Variants in PRH2 observed in about 807,000 individuals in gnomAD.
The protein encoded by PRH2 is salivary acidic proline-rich phosphoprotein 1/2.
In PRH2, 19 loss-of-function variants were observed where a neutral mutation model predicts 22.6. The observed-to-expected ratio is 0.84, with a 90% CI of 0.59 to 1.23. PRH2 has a LOEUF of 1.23. PRH2 is among the 50% of genes most tolerant of loss of function. The pLI, the probability that PRH2 is intolerant of heterozygous loss-of-function variation, is 0.00. For synonymous variants in PRH2, 45 were observed against 72.0 expected (o/e 0.63, Z 1.90); for missense variants, 109 against 203.0 (o/e 0.54, Z 2.81).
rs1290239775 is a variant in PRH2 at position 10,930,658 on chromosome 12, A to G, written c.101-4A>G. The G allele has an allele frequency of 6.2e-7, 1 of 1,613,766 alleles. No individual in the cohort carries two copies. The highest frequency in any genetic ancestry group is 1.7e-5 in the Admixed American group (1 of 59,978). Reference sequence around the variant, plus strand: ...CTCAGCTCTTCTTGTTTCAACTCACACAGATGGAGGAGACTCTGAGCAGTT... The same window carrying G: ...CTCAGCTCTTCTTGTTTCAACTCACGCAGATGGAGGAGACTCTGAGCAGTT... On this transcript the variant is annotated splice_polypyrimidine_tract_variant and splice_region_variant and intron_variant, in intron 2 of 3. Transcript: ENST00000396400.
chr12:10,930,215 G>A, intron 1 of PRH2, 54 bp from the exon 2 acceptor site: 1 of 1,576,436 alleles, frequency 6.3e-7, no homozygotes, highest in Non-Finnish European at 8.7e-7. Flanking sequence ...AACACTATGA[G>A]CTCTGAATGA....
intron 3 of PRH2, 120 bp from the exon 4 acceptor site, chr12:10,932,106 G>A: frequency 3.4e-6 from 1 of 293,262 alleles, no homozygotes; most frequent in South Asian, 3.0e-5. Flanking sequence ...GAGGGGGGCT[G>A]TAGAAGGGAT....
At position 10,931,196 on chromosome 12, in the gene PRH2, C is replaced by T. The variant is rs1423245976; in HGVS notation, c.*18+116C>T. 3 of 1,530,666 alleles carry T rather than the reference C, an allele frequency of 2.0e-6. No homozygotes were observed. The African/African-American group carries it at 4.2e-5, about 21-fold the overall frequency. 94.8% of individuals were successfully genotyped at this position (1,530,666 alleles called of 1,614,324 possible). On this transcript the variant is annotated intron_variant, in intron 3 of 3. Transcript: ENST00000396400. ...TATTTCCGTGTCCTGGAACACATTT[C>T]TCATGAGTTTTGTTCAAATATTCTG...
rs911816569 is a variant in PRH2 at position 10,933,439 on chromosome 12, A to T, written c.*1232A>T. Among the ~76,000 whole-genome samples, 16 of 152,090 alleles carry T rather than the reference A, an allele frequency of 1.1e-4. No homozygotes were observed. The highest frequency in any genetic ancestry group is 5.2e-4 in the Admixed American group (8 of 15,284). ...AAATACCCCAAGTTCTTGAAAAAAA[A>T]TTTTTTGATATGACTACTCTAACAG... On this transcript the variant is annotated 3_prime_UTR_variant, in exon 4 of 4. Coordinates refer to ENST00000396400, the MANE Select transcript of PRH2 (RefSeq NM_001110213.1).
rs756039945 is a variant in PRH2, at chr12:10,930,862, C to G, written c.301C>G (p.Pro101Ala). The change falls in exon 3 of 4, where the codon CCC becomes GCC. Residue 101 changes from proline to alanine, a missense_variant. By Grantham distance (27) the Pro-to-Ala change is conservative. Around this residue, in one of 4 missense-constraint regions of PRH2, gnomAD observed 41 missense variants for 93.6 expected, o/e 0.44. Coordinates refer to ENST00000396400, the MANE Select transcript of PRH2 (RefSeq NM_001110213.1). ...PQGPPQQGGH[P>A]PPPQGRPQGP... is the part of the protein sequence containing the mutation. The stretch of plus-strand genomic sequence containing the variant: ...AGGACCACCCCAACAGGGAGGCCAT[C>G]CCCCTCCTCCTCAAGGAAGGCCACA... 1.2e-6 allele frequency: 2 copies of G among 1,613,280 alleles called. No homozygotes were observed. Among genetic ancestry groups the G allele is most frequent in the Admixed American group, 1.7e-5 (1 of 59,972 alleles).
At chr12:10,930,462 T>G (rs763329235) in intron 2 of PRH2, among the ~76,000 whole-genome samples, 158 bp downstream of exon 2, 1 of 152,108 alleles carries the variant, frequency 6.6e-6, no homozygotes, top group Non-Finnish European at 1.5e-5. Context: ...CTGGGGACCA[T>G]GAGTAAAGAA....
intron 2 of PRH2, 106 bp downstream of exon 2, chr12:10,930,410 C>T: frequency 6.7e-7 from 1 of 1,501,690 alleles, no homozygotes. Flanking sequence ...TGGCTAATAT[C>T]AGTGCCCCAG....
rs1950200566 is a variant in PRH2 at position 10,930,933 on chromosome 12, G to T, written c.372G>T (p.Arg124Ser). Residue 124 changes from arginine to serine, a missense_variant, in exon 3 of 4, where the codon AGG (arginine) becomes AGT (serine). Arg to Ser is a moderately radical substitution (Grantham distance 110). This residue lies in a region of PRH2 where 41 missense variants were observed against 93.6 expected (regional missense o/e 0.44). Transcript: ENST00000396400. ...QGGHPRPPRGRPQGPPQQGGH... is the reference protein window; with the variant it reads ...QGGHPRPPRGSPQGPPQQGGH... ...GCCATCCCCGTCCTCCTCGAGGAAG[G>T]CCACAAGGACCACCCCAACAGGGAG... The T allele has an allele frequency of 1.2e-6, 2 of 1,607,102 alleles. No individual in the cohort carries two copies. Among genetic ancestry groups the T allele is most frequent in the Non-Finnish European group, 1.7e-6 (2 of 1,176,790 alleles).
Position 10,932,288 on chromosome 12 carries a change from C to G in PRH2, c.*81C>G, listed in dbSNP as rs780392668. The G allele has an allele frequency of 1.6e-4, 63 of 396,586 alleles. No individual in the cohort carries two copies. Among genetic ancestry groups the G allele is most frequent in the Admixed American group, 7.2e-4 (30 of 41,502 alleles). The allele number at this position is 396,586 out of a possible 1,614,324, so 24.6% of individuals were successfully genotyped here. Reference sequence around the variant, plus strand: ...GAAACATAATGTGATCATGCTCTAACTTCAATATACCAATAAAATAATCAG... The same window carrying G: ...GAAACATAATGTGATCATGCTCTAAGTTCAATATACCAATAAAATAATCAG... On this transcript the variant is annotated 3_prime_UTR_variant, in exon 4 of 4. Transcript: ENST00000396400.
chr12:10,929,250 A>G lies in PRH2; in HGVS notation c.-24A>G. ...ACGTTTCTCCCAGCATAAAGTTGGG[A>G]GTGACACCAGAGCCTTCTGCAAGAT... On this transcript the variant is annotated 5_prime_UTR_variant, in exon 1 of 4. Coordinates refer to ENST00000396400, the MANE Select transcript of PRH2 (RefSeq NM_001110213.1). 1 of 1,614,160 alleles carries G rather than the reference A, an allele frequency of 6.2e-7. No homozygotes were observed. Among genetic ancestry groups the G allele is most frequent in the Non-Finnish European group, 8.5e-7 (1 of 1,180,040 alleles).
chr12:10,930,622 T>C, intron 2 of PRH2, 40 bp from the exon 3 acceptor site: 1 of 1,610,076 alleles, frequency 6.2e-7, no homozygotes, highest in Non-Finnish European at 8.5e-7. Context: ...AGGAGGGTTT[T>C]CCAGCATGAG....
Position 10,934,701 on chromosome 12 carries a change from A to G in PRH2, c.*2494A>G, listed in dbSNP as rs560582988. On this transcript the variant is annotated 3_prime_UTR_variant, in exon 4 of 4. Coordinates refer to ENST00000396400, the MANE Select transcript of PRH2 (RefSeq NM_001110213.1). ...AATGGGCACATAGCTTTTTTCACAA[A>G]AAGATTATTTTGCCCCAGACAGCTA... Among the ~76,000 whole-genome samples the G allele has an allele frequency of 6.6e-6, 1 of 152,254 alleles. No homozygotes were observed. Among genetic ancestry groups the G allele is most frequent in the East Asian group, 1.9e-4 (1 of 5,190 alleles).
chr12:10,931,589 G>A (rs1950214406), intron 3 of PRH2, among the ~76,000 whole-genome samples: 1 of 152,074 alleles, frequency 6.6e-6, no homozygotes, highest in Non-Finnish European at 1.5e-5. Context: ...GAATAGACAT[G>A]TACCAAGCTA....
Position 10,930,743 on chromosome 12 carries a change from G to C in PRH2, c.182G>C (p.Gly61Ala), listed in dbSNP as rs1950195681. 6.2e-7 allele frequency: 1 copy of C among 1,612,744 alleles called. No individual in the cohort carries two copies. The highest frequency in any genetic ancestry group is 8.5e-7 in the Non-Finnish European group (1 of 1,179,172). Reference protein sequence around the residue: ...LGGQQSQPSAGDGNQNDGPQQ... With the variant: ...LGGQQSQPSAADGNQNDGPQQ... The stretch of plus-strand genomic sequence containing the variant: ...GGACAGCAATCTCAACCCTCTGCTG[G>C]TGATGGGAACCAGAATGATGGCCCT... The change falls in exon 3 of 4, where the codon GGT becomes GCT. Residue 61 changes from glycine (G) to alanine (A), a missense_variant. Transcript: ENST00000396400.
intron 3 of PRH2, 73 bp downstream of exon 3, chr12:10,931,153 C>G: frequency 6.3e-7 from 1 of 1,585,774 alleles, no homozygotes; most frequent in Non-Finnish European, 8.6e-7. Context: ...GCCAGTGAAT[C>G]TATTGAAAAG....
Position 10,932,524 on chromosome 12 carries a change from A to C in PRH2, c.*317A>C, listed in dbSNP as rs777080937. Among the ~76,000 whole-genome samples the C allele has an allele frequency of 6.6e-6, 1 of 152,074 alleles. No individual in the cohort carries two copies. Among genetic ancestry groups the C allele is most frequent in the Non-Finnish European group, 1.5e-5 (1 of 68,008 alleles). On this transcript the variant is annotated 3_prime_UTR_variant, in exon 4 of 4. Transcript: ENST00000396400. ...TCTTCTTAGCTCGAATTTAAATTGC[A>C]CAATTATTTTCAGGTCATTTCCTGA...
At chr12:10,931,936 T>C (rs1355845613) in intron 3 of PRH2, among the ~76,000 whole-genome samples, 1 of 152,346 alleles carries the variant, frequency 6.6e-6, no homozygotes, top group East Asian at 1.9e-4. Context: ...ACAGGATATG[T>C]TGCAGTCCCC....
At chr12:10,930,129 G>A (rs1453151028) in intron 1 of PRH2, 140 bp from the exon 2 acceptor site, 29 of 1,003,756 alleles carry the variant, frequency 2.9e-5, no homozygotes, top group African/African-American at 4.9e-5. Flanking sequence ...TTCCACTTCC[G>A]GTAGCATCAG....
rs1950242549 is a variant in PRH2, at chr12:10,933,465, T to G, written c.*1258T>G. 1.3e-5 allele frequency among the ~76,000 whole-genome samples: 2 copies of G among 152,046 alleles called. No homozygotes were observed. ...TTTTTTGATATGACTACTCTAACAGTAATAACTATAAATCTCACTTTAAAT... is the reference window on the plus strand; with the variant it reads ...TTTTTTGATATGACTACTCTAACAGGAATAACTATAAATCTCACTTTAAAT... On this transcript the variant is annotated 3_prime_UTR_variant, in exon 4 of 4. Transcript: ENST00000396400.
Sources: gnomAD v4.1 joint callset for allele counts (sites outside exome capture counted in the v4.1 genomes callset) on GRCh38, gnomAD v4.1.1 for gene constraint, gnomAD v4.1.1 regional missense constraint, MANE v1.5 for transcripts, NCBI Gene and HGNC (gene_info 2026-07-23, HGNC 2026-07-21) for gene names.